Variants in MICU1 observed in about 807,000 individuals in gnomAD.
MICU1 encodes mitochondrial calcium uptake 1, also known as calcium uptake protein 1, mitochondrial.
MICU1 carries 45 observed loss-of-function variants against 56.8 expected under a neutral mutation model. That is an observed-to-expected ratio of 0.79 (90% CI 0.62 to 1.02). The LOEUF (loss-of-function observed/expected upper bound fraction) is 1.02. Among genes scored for constraint, MICU1 ranks in the 50% least tolerant of loss-of-function variants. The pLI, the probability that MICU1 is intolerant of heterozygous loss-of-function variation, is 0.00. For synonymous variants in MICU1, 186 were observed against 195.1 expected (o/e 0.95, Z 0.39); for missense variants, 504 against 587.1 (o/e 0.86, Z 1.46).
intron 8 of MICU1, among the ~76,000 whole-genome samples, chr10:72,457,147 T>A (rs2132228062): frequency 6.6e-6 from 1 of 151,932 alleles, no homozygotes; most frequent in South Asian, 2.1e-4. Flanking sequence ...TATGCAATAA[T>A]AGGTTGCTAA....
intron 1 of MICU1, among the ~76,000 whole-genome samples, chr10:72,576,225 CAAAAAA>C (rs34829939): frequency 1.5e-5 from 1 of 68,210 alleles, no homozygotes; most frequent in African/African-American, 6.0e-5. Flanking sequence ...AAAAAAACAC[CAAAAAA>C]AAAAAAAAAA....
At chr10:72,545,994 A>G (rs1437734240) in intron 4 of MICU1, among the ~76,000 whole-genome samples, 1 of 152,158 alleles carries the variant, frequency 6.6e-6, no homozygotes, top group Non-Finnish European at 1.5e-5. Flanking sequence ...CTGAGTTCCA[A>G]CAAAGAGTAT....
At chr10:72,448,193 A>ATT (rs71018289) in intron 8 of MICU1, among the ~76,000 whole-genome samples, 2,231 of 36,842 alleles carry the variant, frequency 0.061, 584 homozygotes, top group Non-Finnish European at 0.084. Context: ...ATATATATAT[A>ATT]TTTTTTTTTT....
At chr10:72,415,401 G>A (rs1238650042) in intron 9 of MICU1, among the ~76,000 whole-genome samples, 2 of 152,002 alleles carry the variant, frequency 1.3e-5, no homozygotes, top group African/African-American at 4.8e-5. Context: ...GCTACATGTG[G>A]CCCATGTTAC....
chr10:72,408,668 C>T (rs1863708392), intron 9 of MICU1, among the ~76,000 whole-genome samples: 1 of 152,134 alleles, frequency 6.6e-6, no homozygotes. Context: ...ATGACACTTC[C>T]TAATTGGGCT....
intron 5 of MICU1, among the ~76,000 whole-genome samples, chr10:72,521,265 C>CT (rs1867812294): frequency 1.3e-5 from 2 of 152,096 alleles, no homozygotes; most frequent in Non-Finnish European, 2.9e-5. Flanking sequence ...ATCTAAACTG[C>CT]TTTAGTAACT....
At chr10:72,610,178 T>C (rs571238389) in intron 1 of MICU1, among the ~76,000 whole-genome samples, 47 of 151,220 alleles carry the variant, frequency 3.1e-4, no homozygotes, top group African/African-American at 1.1e-3. Context: ...GGGGGATCAC[T>C]TGAGTCCAGG....
rs529831832 is a variant in MICU1, at chr10:72,553,142, C to A, written c.331-1801G>T. On this transcript the variant is annotated intron_variant, in intron 3 of 11. Coordinates refer to ENST00000361114, the MANE Select transcript of MICU1 (RefSeq NM_001195518.2). The stretch of plus-strand genomic sequence containing the variant: ...AAAGAGTTTTGCAACCTCTCAGCAG[C>A]CTTGAGACATAGCTACAAGTTTTGA... 2.2e-4 allele frequency among the ~76,000 whole-genome samples: 34 copies of A among 152,270 alleles called. No homozygotes were observed. In the East Asian group the frequency reaches 6.2e-3, roughly 28 times the overall value.
At chr10:72,517,781 CTTT>C (rs67568584) in intron 5 of MICU1, among the ~76,000 whole-genome samples, 30 of 146,564 alleles carry the variant, frequency 2.0e-4, no homozygotes, top group African/African-American at 4.2e-4. Context: ...GGAAATAAAA[CTTT>C]TTTTTTTTTT....
chr10:72,436,812 A>G lies in MICU1; in HGVS notation c.934-13441T>C, dbSNP rs570385539. On this transcript the variant is annotated intron_variant, in intron 8 of 11. Coordinates refer to ENST00000361114, the MANE Select transcript of MICU1 (RefSeq NM_001195518.2). ...TCGATCAAGTGGAAGAAAGGGTATC[A>G]GTGATTGAAGATCAAATTAATGAAA... Among the ~76,000 whole-genome samples, 3 of 152,320 alleles carry G rather than the reference A, an allele frequency of 2.0e-5. No homozygotes were observed. In the South Asian group the frequency reaches 6.2e-4, roughly 32 times the overall value.
intron 8 of MICU1, among the ~76,000 whole-genome samples, chr10:72,424,552 A>C (rs1232682787): frequency 6.6e-6 from 1 of 152,062 alleles, no homozygotes; most frequent in East Asian, 1.9e-4. Context: ...TCTGGGATCA[A>C]GCAATCTGCC....
At chr10:72,465,775 A>G (rs1218567261) in intron 8 of MICU1, among the ~76,000 whole-genome samples, 1 of 151,862 alleles carries the variant, frequency 6.6e-6, no homozygotes, top group African/African-American at 2.4e-5. Flanking sequence ...CGGCCTCCCA[A>G]AGTACTGGGA....
intron 8 of MICU1, among the ~76,000 whole-genome samples, chr10:72,441,609 A>ATTTT (rs1470839651): frequency 9.0e-5 from 10 of 111,348 alleles, no homozygotes; most frequent in Non-Finnish European, 1.7e-4. Context: ...CTTATTTTTA[A>ATTTT]TTTTTCTTTT....
chr10:72,370,892 A>C (rs1002275857), intron 11 of MICU1, among the ~76,000 whole-genome samples: 1 of 151,772 alleles, frequency 6.6e-6, no homozygotes, highest in Non-Finnish European at 1.5e-5. Context: ...TTAGCTGGGC[A>C]TGGTGGTGGG....
At chr10:72,603,129 G>A (rs1050214510) in intron 1 of MICU1, among the ~76,000 whole-genome samples, 1 of 152,048 alleles carries the variant, frequency 6.6e-6, no homozygotes, top group African/African-American at 2.4e-5. Context: ...GCTCACGCCT[G>A]TAATCCCCAG....
chr10:72,504,763 G>A (rs1399018762), intron 6 of MICU1, among the ~76,000 whole-genome samples: 2 of 151,938 alleles, frequency 1.3e-5, no homozygotes, highest in Non-Finnish European at 1.5e-5. Flanking sequence ...TCTATAAGGA[G>A]CTTAAATAAC....
chr10:72,562,147 CTTT>C (rs533702573), intron 3 of MICU1, among the ~76,000 whole-genome samples: 3 of 82,648 alleles, frequency 3.6e-5, no homozygotes, highest in African/African-American at 1.0e-4. Context: ...TACATAAAAT[CTTT>C]TTTTTTTTTT....
intron 8 of MICU1, among the ~76,000 whole-genome samples, chr10:72,446,880 G>A (rs1865122071): frequency 6.6e-6 from 1 of 151,994 alleles, no homozygotes; most frequent in African/African-American, 2.4e-5. Context: ...ATAAGTTTGT[G>A]GTCACACTTG....
intron 8 of MICU1, among the ~76,000 whole-genome samples, chr10:72,430,428 CATA>C (rs375463690): frequency 9.9e-5 from 15 of 152,200 alleles, no homozygotes; most frequent in African/African-American, 2.9e-4. Context: ...TTGACATATA[CATA>C]ATAATACATA....
Sources: allele counts gnomAD v4.1 joint callset (sites outside exome capture counted in the v4.1 genomes callset), GRCh38; gene constraint gnomAD v4.1.1; transcripts MANE v1.5; gene names NCBI Gene and HGNC (gene_info 2026-07-23, HGNC 2026-07-21).